The following GAL3ST2 variants were observed in gnomAD, a reference collection of about 807,000 sequenced individuals.
The protein encoded by GAL3ST2 is galactose-3-O-sulfotransferase 2.
GAL3ST2 carries 16 observed loss-of-function variants against 12.9 expected under a neutral mutation model. That is an observed-to-expected ratio of 1.24 (90% CI 0.84 to 1.88). The LOEUF (loss-of-function observed/expected upper bound fraction) is 1.88. Ranked by LOEUF, GAL3ST2 falls within the 40% of genes most tolerant of loss-of-function variation. The probability of loss-of-function intolerance (pLI) is 0.00; values close to 1 mark genes in which losing one functional copy is unlikely to be tolerated. For missense variants in GAL3ST2, 639 were observed against 571.8 expected (o/e 1.12, Z -1.20); for synonymous variants, 302 against 273.9 (o/e 1.10, Z -1.01).
intron 1 of GAL3ST2, 56 bp downstream of exon 1, chr2:241,777,040 C>A: frequency 1.4e-6 from 2 of 1,392,750 alleles, no homozygotes; most frequent in Non-Finnish European, 1.9e-6. Context: ...TGTGGCTATT[C>A]TGAGAGACGG....
At position 241,803,863 on chromosome 2, in the gene GAL3ST2, G is replaced by T. The variant is rs1020929900; in HGVS notation, c.894G>T (p.Leu298=). 17 of 1,435,698 alleles carry T rather than the reference G, an allele frequency of 1.2e-5. No individual in the cohort carries two copies. The highest frequency in any genetic ancestry group is 1.3e-5 in the Non-Finnish European group (14 of 1,104,272). The allele number at this position is 1,435,698 out of a possible 1,614,324, so 88.9% of individuals were successfully genotyped here. A position where few individuals can be genotyped will look rare whatever the true frequency, so the allele number is the denominator to read the frequency against. The stretch of plus-strand genomic sequence containing the variant: ...TCTGGGCGCAGCTGCGCGCCGAGCT[G>T]GGGCCGCGGCGGCTGCGCGGGGAGG... ...RTLWAQLRAE[L]GPRRLRGEVE... The change falls in exon 4 of 4, where the codon CTG becomes CTT. Residue 298 remains leucine (L), a synonymous_variant. Coordinates refer to ENST00000192314, the MANE Select transcript of GAL3ST2 (RefSeq NM_022134.3).
chr2:241,780,817 T>G (rs1173671681), intron 1 of GAL3ST2, among the ~76,000 whole-genome samples: 1 of 152,200 alleles, frequency 6.6e-6, no homozygotes, highest in East Asian at 1.9e-4. Flanking sequence ...CAAGATAAAC[T>G]TGGGGCTCCT....
rs529646148 is a variant in GAL3ST2 at position 241,776,867 on chromosome 2, G to A, written c.-89G>A. 8.3e-7 allele frequency: 1 copy of A among 1,198,056 alleles called. No homozygotes were observed. The highest frequency in any genetic ancestry group is 3.1e-5 in the East Asian group (1 of 32,598). 74.2% of individuals were successfully genotyped at this position (1,198,056 alleles called of 1,614,324 possible). The stretch of plus-strand genomic sequence containing the variant: ...GCACCCTGCCTGTGCCTGCACCCTG[G>A]GGAGCCCAGAGCCGGCAGGGGCCGA... On this transcript the variant is annotated 5_prime_UTR_variant, in exon 1 of 4. Transcript: ENST00000192314.
chr2:241,794,772 T>C (rs1699750394), intron 1 of GAL3ST2, among the ~76,000 whole-genome samples: 1 of 152,166 alleles, frequency 6.6e-6, no homozygotes, highest in South Asian at 2.1e-4. Flanking sequence ...GGGAGGGTCT[T>C]TGGGGACTTC....
At position 241,786,139 on chromosome 2, in the gene GAL3ST2, T is replaced by TGTGTGTGTGTGTG. The variant is rs1553615798; in HGVS notation, c.29+9155_29+9156insGTGTGTGTGTGTG. 1.8e-3 allele frequency among the ~76,000 whole-genome samples: 260 copies of TGTGTGTGTGTGTG among 145,950 alleles called. 9 individuals carry two copies. The South Asian group carries it at 0.031, about 17-fold the overall frequency. On this transcript the variant is annotated intron_variant, in intron 1 of 3. Coordinates refer to ENST00000192314, the MANE Select transcript of GAL3ST2 (RefSeq NM_022134.3). ...ATCTTTCTCCCCCACCACACACCTT[T>TGTGTGTGTGTGTG]TGTGTGTGTGTGTGTGTGTGTGTGT...
intron 1 of GAL3ST2, 73 bp downstream of exon 1, chr2:241,777,057 G>C (rs1455730235): frequency 2.3e-6 from 3 of 1,305,590 alleles, no homozygotes; most frequent in Non-Finnish European, 3.0e-6. Flanking sequence ...ACGGACAGGA[G>C]TGGGTTTTGT....
At chr2:241,777,252 C>T (rs749571853) in intron 1 of GAL3ST2, among the ~76,000 whole-genome samples, 2 of 152,174 alleles carry the variant, frequency 1.3e-5, no homozygotes, top group Non-Finnish European at 2.9e-5. Flanking sequence ...AACACTGTGG[C>T]GTGGAGACGC....
Position 241,803,867 on chromosome 2 carries a change from C to A in GAL3ST2, c.898C>A (p.Pro300Thr). The change falls in exon 4 of 4, where the codon CCG (proline) becomes ACG (threonine). Residue 300 changes from proline (P) to threonine (T), a missense_variant. Physicochemically the swap from Pro to Thr is conservative, Grantham distance 38. Coordinates refer to ENST00000192314, the MANE Select transcript of GAL3ST2 (RefSeq NM_022134.3). Reference protein sequence around the residue: ...LWAQLRAELGPRRLRGEVERL... With the variant: ...LWAQLRAELGTRRLRGEVERL... ...GGCGCAGCTGCGCGCCGAGCTGGGG[C>A]CGCGGCGGCTGCGCGGGGAGGTGGA... 1 of 1,429,284 alleles carries A rather than the reference C, an allele frequency of 7.0e-7. No individual in the cohort carries two copies. Among genetic ancestry groups the A allele is most frequent in the Non-Finnish European group, 9.1e-7 (1 of 1,101,336 alleles). 88.5% of individuals were successfully genotyped at this position (1,429,284 alleles called of 1,614,324 possible).
chr2:241,792,486 TTTAAAG>T (rs1699704796), intron 1 of GAL3ST2, among the ~76,000 whole-genome samples: 1 of 152,216 alleles, frequency 6.6e-6, no homozygotes, highest in Non-Finnish European at 1.5e-5. Context: ...ATGTATGGAC[TTTAAAG>T]TTATGTGGCC....
Position 241,793,556 on chromosome 2 carries a change from T to C in GAL3ST2, c.30-5509T>C, listed in dbSNP as rs1400537077. On this transcript the variant is annotated intron_variant, in intron 1 of 3. Coordinates refer to ENST00000192314, the MANE Select transcript of GAL3ST2 (RefSeq NM_022134.3). The surrounding 1 kb of genome is among the most constrained non-coding windows in gnomAD (Gnocchi z 4.7). ...TTATATGTATGTGTGTATATGTATG[T>C]ATGTGTATATGTGTGCGTATATGTG... Among the ~76,000 whole-genome samples the C allele has an allele frequency of 2.6e-5, 4 of 151,814 alleles. No individual in the cohort carries two copies. Among genetic ancestry groups the C allele is most frequent in the African/African-American group, 9.7e-5 (4 of 41,294 alleles).
chr2:241,779,049 G>T (rs1191808297), intron 1 of GAL3ST2, among the ~76,000 whole-genome samples: 1 of 151,736 alleles, frequency 6.6e-6, no homozygotes. Flanking sequence ...GGGGGCTCAA[G>T]ATCTTTTCCT....
At chr2:241,792,232 G>A (rs1426070916) in intron 1 of GAL3ST2, among the ~76,000 whole-genome samples, 1 of 151,696 alleles carries the variant, frequency 6.6e-6, no homozygotes, top group Admixed American at 6.6e-5. Flanking sequence ...GTTTCACTAT[G>A]TTGGTCAGGC....
intron 1 of GAL3ST2, among the ~76,000 whole-genome samples, chr2:241,796,417 AG>A (rs1265576578): frequency 2.0e-5 from 3 of 152,126 alleles, no homozygotes; most frequent in Non-Finnish European, 4.4e-5. Context: ...CCTGGTCAGC[AG>A]GGAAGCCATC....
At chr2:241,785,271 C>T (rs2125190522) in intron 1 of GAL3ST2, among the ~76,000 whole-genome samples, 1 of 152,110 alleles carries the variant, frequency 6.6e-6, no homozygotes, top group South Asian at 2.1e-4. Context: ...GCTAAGACAG[C>T]CCACGTGTGG....
chr2:241,799,291 C>T, intron 2 of GAL3ST2, 137 bp downstream of exon 2: 4 of 793,468 alleles, frequency 5.0e-6, no homozygotes, highest in Non-Finnish European at 6.4e-6. Context: ...ATGGGCCCTT[C>T]CTTGGGGGGA....
chr2:241,792,682 G>A (rs968078122), intron 1 of GAL3ST2, among the ~76,000 whole-genome samples: 4 of 152,018 alleles, frequency 2.6e-5, no homozygotes, highest in Non-Finnish European at 5.9e-5. Flanking sequence ...TGAAACCTGG[G>A]ACCAGAGACT....
rs796449136 is a variant in GAL3ST2 at position 241,803,379 on chromosome 2, T to A, written c.410T>A (p.Phe137Tyr). The change falls in exon 4 of 4, where the codon TTC becomes TAC. Residue 137 changes from phenylalanine (F) to tyrosine (Y), a missense_variant. Physicochemically the swap from Phe to Tyr is conservative, Grantham distance 22 (BLOSUM62 3). Coordinates refer to ENST00000192314, the MANE Select transcript of GAL3ST2 (RefSeq NM_022134.3). The stretch of plus-strand genomic sequence containing the variant: ...GTCATGCCCAACGACACCTTCTACT[T>A]CTCCATCCTGAGGAACCCCGTGTTC... ...QKVMPNDTFY[F>Y]SILRNPVFQL... 6.2e-7 allele frequency: 1 copy of A among 1,610,516 alleles called. No homozygotes were observed. Among genetic ancestry groups the A allele is most frequent in the Non-Finnish European group, 8.5e-7 (1 of 1,177,822 alleles).
At chr2:241,783,567 T>C in intron 1 of GAL3ST2, among the ~76,000 whole-genome samples, 1 of 145,658 alleles carries the variant, frequency 6.9e-6, no homozygotes, top group Non-Finnish European at 1.5e-5. Context: ...TATATTTTTA[T>C]TGGAAAATAT....
intron 1 of GAL3ST2, among the ~76,000 whole-genome samples, chr2:241,798,497 C>T (rs1699802436): frequency 6.6e-6 from 1 of 152,166 alleles, no homozygotes. Context: ...TGGTCTCTTC[C>T]TTGTCTTAGA....
Sources: gnomAD v4.1 joint callset for allele counts (sites outside exome capture counted in the v4.1 genomes callset) on GRCh38, gnomAD v4.1.1 for gene constraint, Gnocchi (gnomAD v3.1) non-coding constraint, MANE v1.5 for transcripts, NCBI Gene and HGNC (gene_info 2026-07-23, HGNC 2026-07-21) for gene names.